USP45: variants seen among roughly 807,000 people sequenced by gnomAD.
The protein encoded by USP45 is ubiquitin carboxyl-terminal hydrolase 45.
In USP45, 89 loss-of-function variants were observed where a neutral mutation model predicts 95.8. That is an observed-to-expected ratio of 0.93 (90% confidence interval 0.78 to 1.11). USP45 has a LOEUF of 1.11. Among genes scored for constraint, USP45 ranks in the 50% least tolerant of loss-of-function variants. The pLI is 0.00. For missense variants in USP45, 898 were observed against 942.5 expected, an observed-to-expected ratio of 0.95 and a Z score of 0.62; for synonymous variants, 281 against 316.2, an observed-to-expected ratio of 0.89 and a Z score of 1.18.
chr6:99,435,589 G>T lies in USP45; in HGVS notation c.*127C>A. 1 of 747,720 alleles carries T rather than the reference G, an allele frequency of 1.3e-6. No individual in the cohort carries two copies. Among genetic ancestry groups the T allele is most frequent in the Non-Finnish European group, 2.0e-6 (1 of 507,342 alleles). The allele number at this position is 747,720 out of a possible 1,614,324, so 46.3% of individuals were successfully genotyped here. ...AAGGGTTCACCAAAATGGTGAAAAA[G>T]TTCAGGACCATTTGAGGAACATGCT... On this transcript the variant is annotated 3_prime_UTR_variant, in exon 18 of 18. Coordinates refer to ENST00000500704, the MANE Select transcript of USP45 (RefSeq NM_001346022.3).
intron 5 of USP45, among the ~76,000 whole-genome samples, chr6:99,490,338 A>AT (rs1286626281): frequency 6.8e-6 from 1 of 147,536 alleles, no homozygotes; most frequent in African/African-American, 2.5e-5. Flanking sequence ...TAATTTTTGT[A>AT]TTTTTTTTCT....
chr6:99,515,943 T>C (rs1431641859), upstream of USP45, among the ~76,000 whole-genome samples: 1 of 151,688 alleles, frequency 6.6e-6, no homozygotes, highest in South Asian at 2.1e-4. Flanking sequence ...CCCGGCTAAT[T>C]TTTTGTATTT....
chr6:99,468,322 C>G (rs1223274313), intron 10 of USP45, among the ~76,000 whole-genome samples: 2 of 152,098 alleles, frequency 1.3e-5, no homozygotes, highest in African/African-American at 4.8e-5. Context: ...AATCTGTATA[C>G]TTGGTATAGC....
rs1479091374 is a variant in USP45 at position 99,510,107 on chromosome 6, A to T, written c.100+14T>A. The T allele has an allele frequency of 1.9e-6, 3 of 1,574,466 alleles. No homozygotes were observed. The highest frequency in any genetic ancestry group is 2.6e-6 in the Non-Finnish European group (3 of 1,144,688). Reference sequence around the variant, plus strand: ...TTCTCAACACTATTTGGGATGCCATATATCACAATTTACCAGCAATATCAT... The same window carrying T: ...TTCTCAACACTATTTGGGATGCCATTTATCACAATTTACCAGCAATATCAT... On this transcript the variant is annotated intron_variant, in intron 2 of 17. Coordinates refer to ENST00000500704, the MANE Select transcript of USP45 (RefSeq NM_001346022.3).
chr6:99,462,499 C>T, intron 13 of USP45: 3 of 985,052 alleles, frequency 3.0e-6, no homozygotes, highest in Non-Finnish European at 3.6e-6. Flanking sequence ...AATAGCAACA[C>T]AATTAATGCT....
intron 17 of USP45, 146 bp from the exon 18 acceptor site, chr6:99,435,992 T>A: frequency 1.3e-6 from 1 of 798,200 alleles, no homozygotes; most frequent in Non-Finnish European, 1.9e-6. Context: ...TTAAGCATTT[T>A]CCAAAAAGAA....
intron 10 of USP45, chr6:99,468,058 C>T (rs1788429429): frequency 9.4e-6 from 4 of 423,790 alleles, no homozygotes; most frequent in Non-Finnish European, 1.9e-5. Flanking sequence ...GGATGAATAG[C>T]AAACACTAGG....
chr6:99,507,359 A>T, intron 4 of USP45, 69 bp downstream of exon 4: 2 of 774,276 alleles, frequency 2.6e-6, no homozygotes, highest in Non-Finnish European at 2.0e-6. Flanking sequence ...TTACCTTAAA[A>T]GCTTAAAGAA....
intron 5 of USP45, among the ~76,000 whole-genome samples, chr6:99,494,882 A>C (rs1466908857): frequency 6.6e-6 from 1 of 152,164 alleles, no homozygotes; most frequent in East Asian, 1.9e-4. Flanking sequence ...TGACAGAGTG[A>C]GACTGTTTCA....
chr6:99,497,297 C>T (rs1796506542), intron 5 of USP45, among the ~76,000 whole-genome samples: 1 of 151,422 alleles, frequency 6.6e-6, no homozygotes, highest in Non-Finnish European at 1.5e-5. Flanking sequence ...CAAATCCTAA[C>T]ATCAGATGTG....
upstream of USP45, among the ~76,000 whole-genome samples, chr6:99,515,665 A>G (rs1006524875): frequency 6.6e-6 from 1 of 152,070 alleles, no homozygotes; most frequent in Admixed American, 6.5e-5. Flanking sequence ...ATCCTGGGCC[A>G]GCGTGCGCAC....
chr6:99,514,116 C>T (rs1400537990), intron 1 of USP45, among the ~76,000 whole-genome samples: 2 of 152,226 alleles, frequency 1.3e-5, no homozygotes, highest in African/African-American at 2.4e-5. Context: ...ATAGGATGCA[C>T]GGGACTCAAC....
At chr6:99,436,445 A>G (rs1056603613) in intron 17 of USP45, among the ~76,000 whole-genome samples, 24 of 152,020 alleles carry the variant, frequency 1.6e-4, no homozygotes, top group African/African-American at 5.8e-4. Flanking sequence ...AGTCCCAGGT[A>G]CTTGGGAGGC....
At chr6:99,437,170 A>C in intron 17 of USP45, 76 bp downstream of exon 17, 1 of 1,443,494 alleles carries the variant, frequency 6.9e-7, no homozygotes, top group African/African-American at 1.4e-5. Flanking sequence ...TCTATGAAAT[A>C]ATAACTTAGC....
At chr6:99,505,640 C>CAAAAA (rs11303051) in intron 4 of USP45, among the ~76,000 whole-genome samples, 2 of 85,308 alleles carry the variant, frequency 2.3e-5, no homozygotes, top group African/African-American at 4.7e-5. Context: ...GATTCCATCT[C>CAAAAA]AAAAAAAAAA....
At chr6:99,501,908 G>A (rs1381003605) in intron 5 of USP45, 2 of 1,279,018 alleles carry the variant, frequency 1.6e-6, no homozygotes, top group Admixed American at 5.2e-5. Flanking sequence ...TATTCATGAT[G>A]GGTCCCTCAG....
At position 99,468,697 on chromosome 6, in the gene USP45, C is replaced by G. The variant is rs1271090650; in HGVS notation, c.934-79G>C. The G allele has an allele frequency of 3.3e-5, 30 of 904,392 alleles. 1 individual carries two copies. The highest frequency in any genetic ancestry group is 4.8e-5 in the Non-Finnish European group (28 of 587,732). The allele number at this position is 904,392 out of a possible 1,614,324, so 56.0% of individuals were successfully genotyped here. A position where few individuals can be genotyped will look rare whatever the true frequency, so the allele number is the denominator to read the frequency against. Reference sequence around the variant, plus strand: ...TCCTCCTAATAAAAGTACTTTCAAACAGCAAGGTACACTGTGGATTTCAGT... The same window carrying G: ...TCCTCCTAATAAAAGTACTTTCAAAGAGCAAGGTACACTGTGGATTTCAGT... On this transcript the variant is annotated intron_variant, in intron 9 of 17. Transcript: ENST00000500704.
At chr6:99,458,929 T>C (rs1386679528) in intron 13 of USP45, among the ~76,000 whole-genome samples, 1 of 152,160 alleles carries the variant, frequency 6.6e-6, no homozygotes, top group Non-Finnish European at 1.5e-5. Context: ...CACACAAAAA[T>C]TAACCAGATG....
chr6:99,516,143 G>A (rs1236884157), upstream of USP45, among the ~76,000 whole-genome samples: 1 of 149,292 alleles, frequency 6.7e-6, no homozygotes, highest in Non-Finnish European at 1.5e-5. Context: ...ATATATTATT[G>A]TGGTTTTTCC....
Sources: allele counts gnomAD v4.1 joint callset (sites outside exome capture counted in the v4.1 genomes callset), GRCh38; gene constraint gnomAD v4.1.1; transcripts MANE v1.5; gene names NCBI Gene and HGNC (gene_info 2026-07-23, HGNC 2026-07-21).